PHACTR2: variants seen among roughly 807,000 people sequenced by gnomAD.
The protein encoded by PHACTR2 is chromosome 6 open reading frame 56.
Under a neutral mutation model 76.0 loss-of-function variants are expected in PHACTR2, and 30 were observed. The ratio of observed to expected loss-of-function variants is 0.39; its 90% CI spans 0.30 to 0.54. The LOEUF (loss-of-function observed/expected upper bound fraction) is 0.54. PHACTR2 is among the 20% of genes least tolerant of loss of function. PHACTR2 has a pLI of 0.61. For synonymous variants in PHACTR2, 292 were observed against 292.5 expected (o/e 1.00, Z 0.02); for missense variants, 696 against 781.1 (o/e 0.89, Z 1.30).
At chr6:143,682,705 A>G (rs1326842943) in intron 1 of PHACTR2, among the ~76,000 whole-genome samples, 1 of 152,082 alleles carries the variant, frequency 6.6e-6, no homozygotes, top group African/African-American at 2.4e-5. Flanking sequence ...CTTTAGTCCA[A>G]TGTTAAGTAG....
chr6:143,745,710 C>T (rs1456613041), intron 2 of PHACTR2, among the ~76,000 whole-genome samples: 2 of 131,258 alleles, frequency 1.5e-5, no homozygotes, highest in Non-Finnish European at 3.5e-5. Context: ...TTTCCGTGCT[C>T]GGTCGCCTGC....
intron 1 of PHACTR2, among the ~76,000 whole-genome samples, chr6:143,701,601 C>T (rs1340131353): frequency 6.6e-6 from 1 of 152,194 alleles, no homozygotes; most frequent in Admixed American, 6.5e-5. Context: ...CACTACCCTC[C>T]TCCCCATTTT....
In PHACTR2 at chr6:143,789,132, T is replaced by TA. The variant is rs1335831850; in HGVS notation, c.1845+223dup. The TA allele has an allele frequency of 1.0e-5, 4 of 388,136 alleles. No homozygotes were observed. The highest frequency in any genetic ancestry group is 1.9e-5 in the Non-Finnish European group (4 of 213,090). The allele number at this position is 388,136 out of a possible 1,614,324, so 24.0% of individuals were successfully genotyped here. On this transcript the variant is annotated intron_variant, in intron 11 of 12. Coordinates refer to ENST00000440869, the MANE Select transcript of PHACTR2 (RefSeq NM_001100164.2). The surrounding 1 kb of genome is among the most constrained non-coding windows in gnomAD (Gnocchi z 5.1). ...AAAAGTAGTTATTTACCATATAACC[T>TA]ACCTGCTTTCATACCTGGATGAGGA...
intron 1 of PHACTR2, among the ~76,000 whole-genome samples, chr6:143,542,333 C>T (rs1449112186): frequency 2.6e-5 from 4 of 152,190 alleles, no homozygotes; most frequent in Non-Finnish European, 4.4e-5. Flanking sequence ...CATCTCCTAT[C>T]TGATTCTTAC....
Position 143,696,587 on chromosome 6 carries a change from G to C in PHACTR2, c.47-15429G>C, listed in dbSNP as rs1338106722. ...TTGAATTACAGACCTAAGGTTACCA[G>C]CTAGGATGGGGAGGAACAGATTATT... On this transcript the variant is annotated intron_variant, in intron 1 of 12. Coordinates refer to ENST00000440869, the MANE Select transcript of PHACTR2 (RefSeq NM_001100164.2). This position sits in a 1 kb window ranked among gnomAD's most constrained non-coding sequence, Gnocchi z 4.1. Among the ~76,000 whole-genome samples, 2 of 152,200 alleles carry C rather than the reference G, an allele frequency of 1.3e-5. No homozygotes were observed. Among genetic ancestry groups the C allele is most frequent in the African/African-American group, 4.8e-5 (2 of 41,446 alleles).
At position 143,624,969 on chromosome 6, in the gene PHACTR2, A is replaced by T. The variant is rs1175406369; in HGVS notation, c.13+16647A>T. Among the ~76,000 whole-genome samples the T allele has an allele frequency of 6.6e-6, 1 of 152,148 alleles. No individual in the cohort carries two copies. Among genetic ancestry groups the T allele is most frequent in the Non-Finnish European group, 1.5e-5 (1 of 68,024 alleles). On this transcript the variant is annotated intron_variant, in intron 1 of 11. Transcript: ENST00000305766. This position sits in a 1 kb window ranked among gnomAD's most constrained non-coding sequence, Gnocchi z 4.6. ...TCAGGAGTACAAGACCAGCCTGGTC[A>T]ACATGGTGAAAACCCGTATCTACTG... is the stretch of plus-strand genomic sequence containing the variant.
At chr6:143,759,392 G>A (rs972678515) in intron 4 of PHACTR2, among the ~76,000 whole-genome samples, 2 of 152,174 alleles carry the variant, frequency 1.3e-5, no homozygotes, top group Non-Finnish European at 2.9e-5. Flanking sequence ...GGTGGCTCAT[G>A]CCTGTAATCC....
intron 2 of PHACTR2, among the ~76,000 whole-genome samples, chr6:143,735,377 C>G (rs1778792671): frequency 6.6e-6 from 1 of 152,144 alleles, no homozygotes; most frequent in African/African-American, 2.4e-5. Context: ...TCTTTCTTGT[C>G]TGTTTTTCAT....
chr6:143,687,250 G>A (rs746536813), intron 1 of PHACTR2, among the ~76,000 whole-genome samples: 1 of 151,896 alleles, frequency 6.6e-6, no homozygotes, highest in Non-Finnish European at 1.5e-5. Context: ...TTTATTTTTA[G>A]CAGTCTGAAA....
At chr6:143,575,037 A>G (rs1429447291) in intron 1 of PHACTR2, among the ~76,000 whole-genome samples, 1 of 152,266 alleles carries the variant, frequency 6.6e-6, no homozygotes, top group Non-Finnish European at 1.5e-5. Context: ...TAATTGTAAC[A>G]AATAATCCAT....
At position 143,627,423 on chromosome 6, in the gene PHACTR2, A is replaced by G. The variant is rs1294615274; in HGVS notation, c.13+19101A>G. ...CATTTAATTTCATAAATATTTATTG[A>G]GTTCCTAATTATGGGTAATATACTC... On this transcript the variant is annotated intron_variant, in intron 1 of 11. Transcript: ENST00000305766. The surrounding 1 kb of genome is among the most constrained non-coding windows in gnomAD (Gnocchi z 4.3). Among the ~76,000 whole-genome samples the G allele has an allele frequency of 2.0e-5, 3 of 152,186 alleles. No homozygotes were observed. Among genetic ancestry groups the G allele is most frequent in the Non-Finnish European group, 4.4e-5 (3 of 68,038 alleles).
At position 143,539,459 on chromosome 6, in the gene PHACTR2, CAGCA is replaced by C. The variant is rs1781152451; in HGVS notation, c.217+2253_217+2256del. ...TTCACTGACACACAGAGTATTTCTCCAGCATGCCCCACAGCCTCTGCAGCCTCTG... is the reference window on the plus strand; with the variant it reads ...TTCACTGACACACAGAGTATTTCTCCTGCCCCACAGCCTCTGCAGCCTCTG... On this transcript the variant is annotated intron_variant, in intron 1 of 11. Coordinates refer to the PHACTR2 transcript ENST00000367584. The surrounding 1 kb of genome is among the most constrained non-coding windows in gnomAD (Gnocchi z 4.3). 6.6e-6 allele frequency among the ~76,000 whole-genome samples: 1 copy of C among 152,198 alleles called. No individual in the cohort carries two copies. The highest frequency in any genetic ancestry group is 2.4e-5 in the African/African-American group (1 of 41,434).
intron 2 of PHACTR2, among the ~76,000 whole-genome samples, chr6:143,723,296 G>C (rs969784629): frequency 1.3e-5 from 2 of 152,182 alleles, no homozygotes; most frequent in African/African-American, 4.8e-5. Context: ...CAGGACTTCT[G>C]ACTAGCTAGA....
intron 1 of PHACTR2, among the ~76,000 whole-genome samples, chr6:143,576,970 C>T (rs572948622): frequency 2.0e-5 from 3 of 148,982 alleles, no homozygotes; most frequent in African/African-American, 7.4e-5. Flanking sequence ...CTACTTAAAA[C>T]TCTATGCTAA....
chr6:143,795,303 A>G lies in PHACTR2; in HGVS notation c.1845+6393A>G, dbSNP rs553505591. ...GTGGCACACCCATGTATTCCTACCT[A>G]CTTGGAAGGCTGAGGCAGGAGGATC... On this transcript the variant is annotated intron_variant, in intron 11 of 12. Coordinates refer to ENST00000440869, the MANE Select transcript of PHACTR2 (RefSeq NM_001100164.2). The surrounding 1 kb of genome is among the most constrained non-coding windows in gnomAD (Gnocchi z 4.8). 2.6e-5 allele frequency among the ~76,000 whole-genome samples: 4 copies of G among 152,256 alleles called. No homozygotes were observed. Among genetic ancestry groups the G allele is most frequent in the Non-Finnish European group, 4.4e-5 (3 of 68,010 alleles).
rs774856728 is a variant in PHACTR2 at position 143,795,229 on chromosome 6, C to T, written c.1845+6319C>T. ...AGGAGTTAAAGACCAGCCTGAGCAA[C>T]ATAGCAAGACCCTCTCTCTACAAAA... On this transcript the variant is annotated intron_variant, in intron 11 of 12. Transcript: ENST00000440869. This position sits in a 1 kb window ranked among gnomAD's most constrained non-coding sequence, Gnocchi z 4.8. Among the ~76,000 whole-genome samples the T allele has an allele frequency of 1.3e-5, 2 of 152,114 alleles. No homozygotes were observed. Among genetic ancestry groups the T allele is most frequent in the Admixed American group, 1.3e-4 (2 of 15,258 alleles).
rs927535123 is a variant in PHACTR2 at position 143,548,163 on chromosome 6, A to G, written c.217+10956A>G. ...CCTGCTTCCTGGTTCATAGATGGCC[A>G]TCTTCTTGCTGTGTCCTCACATGGC... On this transcript the variant is annotated intron_variant, in intron 1 of 11. Transcript: ENST00000367584. The surrounding 1 kb of genome is among the most constrained non-coding windows in gnomAD (Gnocchi z 4.5). 2.0e-5 allele frequency among the ~76,000 whole-genome samples: 3 copies of G among 152,206 alleles called. No individual in the cohort carries two copies. The highest frequency in any genetic ancestry group is 2.9e-5 in the Non-Finnish European group (2 of 68,034).
intron 1 of PHACTR2, among the ~76,000 whole-genome samples, chr6:143,600,447 A>G (rs770021672): frequency 6.6e-6 from 1 of 152,266 alleles, no homozygotes; most frequent in Non-Finnish European, 1.5e-5. Flanking sequence ...TGCCAACTCA[A>G]TAATTTTTTG....
rs530834331 is a variant in PHACTR2, at chr6:143,548,586, T to A, written c.217+11379T>A. Among the ~76,000 whole-genome samples the A allele has an allele frequency of 3.8e-4, 58 of 152,180 alleles. No homozygotes were observed. In the South Asian group the frequency reaches 0.011, roughly 28 times the overall value. On this transcript the variant is annotated intron_variant, in intron 1 of 11. Transcript: ENST00000367584. This position sits in a 1 kb window ranked among gnomAD's most constrained non-coding sequence, Gnocchi z 4.5. The stretch of plus-strand genomic sequence containing the variant: ...GTAGCCATTCCTGACACCAGCTATA[T>A]CCGTTTTGTTGGACAGAGACCACTG...
Sources: gnomAD v4.1 joint callset for allele counts (sites outside exome capture counted in the v4.1 genomes callset) on GRCh38, gnomAD v4.1.1 for gene constraint, Gnocchi (gnomAD v3.1) non-coding constraint, MANE v1.5 for transcripts, NCBI Gene and HGNC (gene_info 2026-07-23, HGNC 2026-07-21) for gene names.